Variants in ANO3 observed in about 807,000 individuals in gnomAD.
The protein encoded by ANO3 is anoctamin-3.
In ANO3, 99 loss-of-function variants were observed where a neutral mutation model predicts 144.8. That is an observed-to-expected ratio of 0.68 (90% CI 0.58 to 0.81). ANO3 has a LOEUF of 0.81. Ranked by LOEUF, ANO3 falls within the 30% of genes least tolerant of loss-of-function variation. The pLI is 0.00. For missense variants in ANO3, 905 were observed against 1,202.2 expected, an observed-to-expected ratio of 0.75 and a Z score of 3.66; for synonymous variants, 414 against 392.6, an observed-to-expected ratio of 1.05 and a Z score of -0.64.
Position 26,442,057 on chromosome 11 carries a change from T to G in ANO3, c.186T>G (p.Ser62Arg), listed in dbSNP as rs138534016. 9.3e-6 allele frequency: 15 copies of G among 1,613,742 alleles called. No homozygotes were observed. In the African/African-American group the frequency reaches 1.9e-4, roughly 20 times the overall value. Residue 62 changes from serine to arginine, a missense_variant, in exon 2 of 27, where the codon AGT becomes AGG. By Grantham distance (110) the Ser-to-Arg change is moderately radical. Coordinates refer to ENST00000256737, the MANE Select transcript of ANO3 (RefSeq NM_031418.4). ...CTTCCCTCTTCCAGTCAACCGAGAG[T>G]GAATCTCAGGCTCCCACATCTATAA... ...QSTSLFQSTESESQAPTSITL... is the reference protein window; with the variant it reads ...QSTSLFQSTERESQAPTSITL...
chr11:26,517,506 A>G (rs1459736488), intron 6 of ANO3, among the ~76,000 whole-genome samples: 3 of 152,012 alleles, frequency 2.0e-5, no homozygotes, highest in Non-Finnish European at 4.4e-5. Flanking sequence ...TTTATGCAGA[A>G]TGTGTCACTT....
At chr11:26,281,785 C>CAT (rs1470098151) in intron 1 of ANO3, among the ~76,000 whole-genome samples, 3 of 152,120 alleles carry the variant, frequency 2.0e-5, no homozygotes, top group Non-Finnish European at 4.4e-5. Context: ...CTTGAAGAGA[C>CAT]ATATCTTTGC....
At chr11:26,476,889 TTGTGTGTGTGTGTATG>T (rs1476834114) in intron 4 of ANO3, among the ~76,000 whole-genome samples, 6 of 136,306 alleles carry the variant, frequency 4.4e-5, no homozygotes, top group Non-Finnish European at 9.5e-5. Flanking sequence ...TGTTATAATT[TTGTGTGTGTGTGTATG>T]TGTGTGTGTG....
intron 1 of ANO3, among the ~76,000 whole-genome samples, chr11:26,205,655 C>T (rs1182065353): frequency 6.6e-6 from 1 of 152,192 alleles, no homozygotes; most frequent in Non-Finnish European, 1.5e-5. Context: ...TTATGGCCTT[C>T]ACTATCAAGC....
chr11:26,236,378 ATACTT>A (rs1477626168), intron 1 of ANO3, among the ~76,000 whole-genome samples: 6 of 152,202 alleles, frequency 3.9e-5, no homozygotes, highest in African/African-American at 7.2e-5. Flanking sequence ...ATATTATACT[ATACTT>A]CAAGCAATCT....
At chr11:26,629,756 C>T (rs1460073598) in intron 18 of ANO3, among the ~76,000 whole-genome samples, 2 of 152,048 alleles carry the variant, frequency 1.3e-5, no homozygotes, top group East Asian at 1.9e-4. Flanking sequence ...CTCAGCCTCC[C>T]GAGTAGCTGG....
At chr11:26,507,222 C>G (rs1378500072) in intron 4 of ANO3, among the ~76,000 whole-genome samples, 1 of 152,124 alleles carries the variant, frequency 6.6e-6, no homozygotes, top group African/African-American at 2.4e-5. Flanking sequence ...AAATTCCTTA[C>G]AGCAAATAAG....
chr11:26,334,872 A>G (rs189252318), intron 1 of ANO3, among the ~76,000 whole-genome samples: 13 of 152,368 alleles, frequency 8.5e-5, no homozygotes, highest in African/African-American at 2.4e-4. Flanking sequence ...TGATATAACT[A>G]GAAATCACCC....
chr11:26,640,027 G>C (rs911809196), intron 21 of ANO3, among the ~76,000 whole-genome samples: 4 of 150,740 alleles, frequency 2.7e-5, no homozygotes, highest in South Asian at 2.1e-4. Context: ...TTTTTTTCTT[G>C]TGGTGGTACA....
At chr11:26,462,128 A>G (rs970764699) in intron 3 of ANO3, among the ~76,000 whole-genome samples, 7 of 152,110 alleles carry the variant, frequency 4.6e-5, no homozygotes, top group African/African-American at 1.7e-4. Context: ...TATAAACAAA[A>G]TTGTTTTTCC....
intron 1 of ANO3, among the ~76,000 whole-genome samples, chr11:26,227,157 A>G (rs937283247): frequency 6.6e-6 from 1 of 152,152 alleles, no homozygotes; most frequent in Non-Finnish European, 1.5e-5. Flanking sequence ...TAGTACTCCA[A>G]TGTACATATC....
intron 1 of ANO3, among the ~76,000 whole-genome samples, chr11:26,292,616 T>C (rs915964661): frequency 6.6e-6 from 1 of 152,230 alleles, no homozygotes; most frequent in Middle Eastern, 3.2e-3. Context: ...GTCCTTTTTG[T>C]TGATGTTGAT....
At chr11:26,407,245 T>A (rs1857313080) in intron 1 of ANO3, among the ~76,000 whole-genome samples, 1 of 151,478 alleles carries the variant, frequency 6.6e-6, no homozygotes, top group African/African-American at 2.4e-5. Flanking sequence ...TCTCTGTGCC[T>A]TTCTTCATTT....
At chr11:26,363,421 G>T (rs982703109) in intron 1 of ANO3, among the ~76,000 whole-genome samples, 1 of 151,932 alleles carries the variant, frequency 6.6e-6, no homozygotes, top group Admixed American at 6.6e-5. Context: ...TTTCTCTGGG[G>T]GCCTCTCTCC....
chr11:26,371,337 T>G (rs564942857), intron 1 of ANO3, among the ~76,000 whole-genome samples: 1 of 152,334 alleles, frequency 6.6e-6, no homozygotes, highest in Non-Finnish European at 1.5e-5. Context: ...CATGAAGATT[T>G]CAGAAGATGC....
At chr11:26,232,715 G>A (rs1030567926) in intron 1 of ANO3, among the ~76,000 whole-genome samples, 81 of 152,246 alleles carry the variant, frequency 5.3e-4, no homozygotes, top group Admixed American at 1.3e-3. Context: ...TCAGGACATA[G>A]GCATGGGCAA....
intron 1 of ANO3, among the ~76,000 whole-genome samples, chr11:26,335,087 A>T (rs920277516): frequency 3.9e-5 from 6 of 152,204 alleles, no homozygotes; most frequent in Non-Finnish European, 7.4e-5. Context: ...GAAATGAAAT[A>T]CTGTATGTAA....
intron 14 of ANO3, among the ~76,000 whole-genome samples, chr11:26,585,875 C>T (rs773611443): frequency 4.6e-5 from 7 of 152,044 alleles, no homozygotes; most frequent in Non-Finnish European, 8.8e-5. Flanking sequence ...ATGTAGTTCC[C>T]GTTCAGATTT....
chr11:26,634,108 A>ATT, intron 18 of ANO3, 96 bp from the exon 19 acceptor site: 3 of 606,442 alleles, frequency 4.9e-6, no homozygotes, highest in South Asian at 2.9e-5. Context: ...ATTAAATTAA[A>ATT]AAGACAAACT....
Sources: allele counts gnomAD v4.1 joint callset (sites outside exome capture counted in the v4.1 genomes callset), GRCh38; gene constraint gnomAD v4.1.1; transcripts MANE v1.5; gene names NCBI Gene and HGNC (gene_info 2026-07-23, HGNC 2026-07-21).